DEF6: variants seen among roughly 807,000 people sequenced by gnomAD.
DEF6 encodes the protein DEF6 guanine nucleotide exchange factor, also known as differentially expressed in FDCP 6 homolog.
DEF6 carries 32 observed loss-of-function variants against 80.5 expected under a neutral mutation model. The ratio of observed to expected loss-of-function variants is 0.40; its 90% CI spans 0.30 to 0.53. The LOEUF is 0.53. Among genes scored for constraint, DEF6 ranks in the 20% least tolerant of loss-of-function variants. The pLI is 0.57. For synonymous variants in DEF6, 300 were observed against 337.9 expected (o/e 0.89, Z 1.23); for missense variants, 575 against 818.7 (o/e 0.70, Z 3.63).
chr6:35,319,555 T>C lies in DEF6; in HGVS notation c.1247T>C (p.Leu416Pro). 6.2e-7 allele frequency: 1 copy of C among 1,611,040 alleles called. No homozygotes were observed. The highest frequency in any genetic ancestry group is 8.5e-7 in the Non-Finnish European group (1 of 1,178,920). Residue 416 changes from leucine to proline, a missense_variant, in exon 8 of 11, where the codon CTG becomes CCG. Physicochemically the swap from Leu to Pro is moderately conservative, Grantham distance 98. Transcript: ENST00000316637. The surrounding 1 kb of genome is among the most constrained non-coding windows in gnomAD (Gnocchi z 4.5). ...ARASMQAEME[L>P]KEEEAARQRQ... ...GCCTCCATGCAGGCTGAGATGGAGC[T>C]GAAGGAGGAGGAGGCTGCCCGGCAG...
intron 1 of DEF6, among the ~76,000 whole-genome samples, chr6:35,306,468 G>A (rs138225329): frequency 0.013 from 1,949 of 151,194 alleles, 14 homozygotes; most frequent in African/African-American, 0.023. Context: ...CCGAGATCAC[G>A]CCATTGCACT....
intron 5 of DEF6, among the ~76,000 whole-genome samples, chr6:35,313,042 C>T (rs1791488492): frequency 6.6e-6 from 1 of 152,196 alleles, no homozygotes; most frequent in African/African-American, 2.4e-5. Context: ...TGGCTTATAT[C>T]TATACTACAC....
At position 35,319,512 on chromosome 6, in the gene DEF6, C is replaced by T. The variant is rs755040301; in HGVS notation, c.1216-12C>T. 2 of 1,604,024 alleles carry T rather than the reference C, an allele frequency of 1.2e-6. No homozygotes were observed. The highest frequency in any genetic ancestry group is 2.2e-5 in the East Asian group (1 of 44,602). ...GACCTGGCTCTTGGTCCACCACCTC[C>T]CCCCTCCACAGGCCCGGGCCTCCAT... On this transcript the variant is annotated splice_polypyrimidine_tract_variant and intron_variant, in intron 7 of 10. Coordinates refer to ENST00000316637, the MANE Select transcript of DEF6 (RefSeq NM_022047.4). The surrounding 1 kb of genome is among the most constrained non-coding windows in gnomAD (Gnocchi z 4.5).
intron 1 of DEF6, 123 bp downstream of exon 1, chr6:35,298,075 T>C: frequency 1.1e-6 from 1 of 897,586 alleles, no homozygotes; most frequent in Non-Finnish European, 1.7e-6. Context: ...GTCCCGGGCC[T>C]GGGGTCGGGG....
At chr6:35,306,857 T>A (rs1791398586) in intron 1 of DEF6, among the ~76,000 whole-genome samples, 1 of 152,200 alleles carries the variant, frequency 6.6e-6, no homozygotes, top group Non-Finnish European at 1.5e-5. Context: ...CAAAACAGCC[T>A]TTGGAGCAGA....
At chr6:35,301,127 C>T (rs1791308289) in intron 1 of DEF6, among the ~76,000 whole-genome samples, 2 of 152,184 alleles carry the variant, frequency 1.3e-5, no homozygotes, top group South Asian at 4.1e-4. Flanking sequence ...CAGAGTGAGA[C>T]TCTTGCCCAC....
intron 9 of DEF6, 69 bp downstream of exon 9, chr6:35,320,086 A>G (rs1791572725): frequency 1.4e-6 from 2 of 1,476,680 alleles, no homozygotes; most frequent in East Asian, 5.0e-5. Context: ...CTCTGGAGCC[A>G]GGCTGCCTTC....
intron 3 of DEF6, among the ~76,000 whole-genome samples, chr6:35,310,958 T>G (rs542119852): frequency 6.6e-6 from 1 of 152,360 alleles, no homozygotes; most frequent in African/African-American, 2.4e-5. Context: ...TGAGCATTAC[T>G]GGCAATCTAG....
chr6:35,307,004 TG>T (rs1484004897), intron 1 of DEF6, among the ~76,000 whole-genome samples: 1 of 152,254 alleles, frequency 6.6e-6, no homozygotes, highest in Non-Finnish European at 1.5e-5. Context: ...TGTTTCCTAC[TG>T]GAAGAGCCTC....
chr6:35,318,630 C>T lies in DEF6; in HGVS notation c.1215+159C>T, dbSNP rs1791552283. Among the ~76,000 whole-genome samples the T allele has an allele frequency of 6.6e-6, 1 of 152,052 alleles. No individual in the cohort carries two copies. The highest frequency in any genetic ancestry group is 6.5e-5 in the Admixed American group (1 of 15,278). ...AATGAGGGATTGTTGGGACAGAGTC[C>T]GCGGGTTTGAAAAAGAGATTTGGGA... On this transcript the variant is annotated intron_variant, in intron 7 of 10. Transcript: ENST00000316637. The surrounding 1 kb of genome is among the most constrained non-coding windows in gnomAD (Gnocchi z 5.1).
intron 3 of DEF6, among the ~76,000 whole-genome samples, chr6:35,311,825 G>T (rs1005614019): frequency 1.3e-5 from 2 of 152,194 alleles, no homozygotes; most frequent in South Asian, 2.1e-4. Context: ...CAGGGTTGGG[G>T]ATTGGGGCTT....
chr6:35,307,062 T>C, intron 1 of DEF6, among the ~76,000 whole-genome samples: 1 of 152,232 alleles, frequency 6.6e-6, no homozygotes, highest in Admixed American at 6.5e-5. Flanking sequence ...TAATGAGCAT[T>C]CTTGTATCTC....
At chr6:35,307,980 G>A (rs1278029260) in intron 1 of DEF6, among the ~76,000 whole-genome samples, 1 of 152,168 alleles carries the variant, frequency 6.6e-6, no homozygotes, top group Non-Finnish European at 1.5e-5. Flanking sequence ...TGCACTTGAT[G>A]TACAAAAGAG....
At chr6:35,300,363 T>C (rs1168509405) in intron 1 of DEF6, among the ~76,000 whole-genome samples, 1 of 152,074 alleles carries the variant, frequency 6.6e-6, no homozygotes, top group East Asian at 1.9e-4. Context: ...GGGTCCTGGG[T>C]TGGAACCTGG....
chr6:35,313,017 A>G (rs1250478014), intron 5 of DEF6, among the ~76,000 whole-genome samples: 1 of 152,232 alleles, frequency 6.6e-6, no homozygotes, highest in African/African-American at 2.4e-5. Context: ...AATTTGCTCA[A>G]GATTTCAGAG....
intron 3 of DEF6, among the ~76,000 whole-genome samples, chr6:35,311,845 A>G (rs1356833645): frequency 6.6e-6 from 1 of 152,024 alleles, no homozygotes; most frequent in Non-Finnish European, 1.5e-5. Flanking sequence ...TGGAATAAGG[A>G]CCTGAATGGG....
chr6:35,314,955 G>C (rs1346633707), intron 5 of DEF6, among the ~76,000 whole-genome samples: 1 of 152,164 alleles, frequency 6.6e-6, no homozygotes, highest in Non-Finnish European at 1.5e-5. Context: ...TATATGGTGA[G>C]AGATAGGGGT....
intron 1 of DEF6, among the ~76,000 whole-genome samples, chr6:35,301,008 C>T (rs1267470162): frequency 6.6e-6 from 1 of 152,094 alleles, no homozygotes; most frequent in East Asian, 1.9e-4. Flanking sequence ...TGGCACCAGG[C>T]CTACCACTTC....
chr6:35,316,969 T>C (rs1268909011), intron 5 of DEF6, among the ~76,000 whole-genome samples: 1 of 152,224 alleles, frequency 6.6e-6, no homozygotes, highest in Non-Finnish European at 1.5e-5. Context: ...AATCATAAAA[T>C]ATTTGTCCCT....
Sources: allele counts gnomAD v4.1 joint callset (sites outside exome capture counted in the v4.1 genomes callset), GRCh38; gene constraint gnomAD v4.1.1; non-coding constraint Gnocchi (gnomAD v3.1); transcripts MANE v1.5; gene names NCBI Gene and HGNC (gene_info 2026-07-23, HGNC 2026-07-21).